The following NEK10 variants were observed in gnomAD, a reference collection of about 807,000 sequenced individuals.
NEK10 encodes NIMA related kinase 10.
Under a neutral mutation model 159.8 loss-of-function variants are expected in NEK10, and 122 were observed. The observed-to-expected ratio is 0.76, with a 90% CI of 0.66 to 0.89. The LOEUF is 0.89. NEK10 is among the 40% of genes least tolerant of loss of function. NEK10 has a pLI of 0.00. For missense variants in NEK10, 1,342 were observed against 1,323.1 expected (o/e 1.01, Z -0.22); for synonymous variants, 466 against 457.1 (o/e 1.02, Z -0.25).
chr3:27,305,019 G>C, intron 11 of NEK10, 48 bp from the exon 12 acceptor site: 1 of 1,127,518 alleles, frequency 8.9e-7, no homozygotes, highest in African/African-American at 1.5e-5. Flanking sequence ...ATCATGAGTT[G>C]ATTACTTTAC....
In NEK10 at chr3:27,290,675, T is replaced by C; in HGVS notation, c.1685A>G (p.Lys562Arg). ...LHNPAFGKDK[K>R]DRDSSVRNIV... ...ATTCCTTACGCTGCTGTCTCGATCT[T>C]TCTTATCCTTTCCAAATGCTGGGTT... Residue 562 changes from lysine to arginine, a missense_variant, in exon 19 of 36, where the codon AAA becomes AGA. Coordinates refer to ENST00000691995, the MANE Select transcript of NEK10 (RefSeq NM_001394966.1). 6.2e-7 allele frequency: 1 copy of C among 1,608,572 alleles called. No homozygotes were observed. Among genetic ancestry groups the C allele is most frequent in the Non-Finnish European group, 8.5e-7 (1 of 1,175,520 alleles).
At chr3:27,160,634 G>T (rs1945929145) in intron 30 of NEK10, among the ~76,000 whole-genome samples, 1 of 152,258 alleles carries the variant, frequency 6.6e-6, no homozygotes, top group African/African-American at 2.4e-5. Flanking sequence ...GGCCAGGAGT[G>T]GTGGCTCACA....
chr3:27,189,413 T>G (rs796214770), intron 26 of NEK10, among the ~76,000 whole-genome samples: 50 of 152,230 alleles, frequency 3.3e-4, no homozygotes, highest in African/African-American at 1.2e-3. Context: ...GTGGATCCCC[T>G]TATTGATATT....
intron 31 of NEK10, among the ~76,000 whole-genome samples, chr3:27,135,135 T>C (rs1475926320): frequency 3.9e-5 from 6 of 152,162 alleles, no homozygotes; most frequent in African/African-American, 1.4e-4. Flanking sequence ...AGAAACATTT[T>C]CAGCCAGGCA....
At chr3:27,117,072 T>C (rs1327106538) in intron 33 of NEK10, among the ~76,000 whole-genome samples, 2 of 152,068 alleles carry the variant, frequency 1.3e-5, no homozygotes, top group Non-Finnish European at 2.9e-5. Context: ...ATGAGGACAT[T>C]TGTTGTTTGG....
At chr3:27,262,891 G>T (rs11718886) in intron 22 of NEK10, among the ~76,000 whole-genome samples, 39,098 of 152,134 alleles carry the variant, frequency 0.26, 5,191 homozygotes, top group Middle Eastern at 0.38. Flanking sequence ...GCATTCCTTT[G>T]GAGGAGGAGA....
chr3:27,153,837 C>A (rs906662036), intron 30 of NEK10, among the ~76,000 whole-genome samples: 10 of 152,088 alleles, frequency 6.6e-5, no homozygotes, highest in African/African-American at 2.4e-4. Context: ...TAGCCCTAAA[C>A]AACTACATCG....
At chr3:27,304,066 ACTT>A (rs2044042748) in intron 12 of NEK10, among the ~76,000 whole-genome samples, 2 of 152,220 alleles carry the variant, frequency 1.3e-5, no homozygotes, top group Non-Finnish European at 2.9e-5. Context: ...TTTGCAACGT[ACTT>A]CTAGAGAATT....
rs1939481070 is a variant in NEK10 at position 27,111,176 on chromosome 3, T to C, written c.*96A>G. ...GCATCTTGGTCTTTTCCACACCCTC[T>C]AGCAGCACCCAATCCTTGGGCATCT... On this transcript the variant is annotated 3_prime_UTR_variant, in exon 36 of 36. Coordinates refer to ENST00000691995, the MANE Select transcript of NEK10 (RefSeq NM_001394966.1). 1 of 1,209,586 alleles carries C rather than the reference T, an allele frequency of 8.3e-7. No individual in the cohort carries two copies. The allele number at this position is 1,209,586 out of a possible 1,614,324, so 74.9% of individuals were successfully genotyped here. A position where few individuals can be genotyped will look rare whatever the true frequency, so the allele number is the denominator to read the frequency against.
At chr3:27,215,568 G>T in intron 23 of NEK10, 1 of 467,506 alleles carries the variant, frequency 2.1e-6, no homozygotes, top group Non-Finnish European at 3.8e-6. Flanking sequence ...TTGGATGTTG[G>T]CAGTTTAAAT....
In NEK10 at chr3:27,243,831, GT is replaced by G. The variant is rs1157434388; in HGVS notation, c.2090+12464del. On this transcript the variant is annotated intron_variant, in intron 23 of 35. Transcript: ENST00000691995. ...CTTCTACACTTGACTGACACCATGGGTGTGTGTGTGTGTGTGTGTGTGTGTG... is the reference window on the plus strand; with the variant it reads ...CTTCTACACTTGACTGACACCATGGGGTGTGTGTGTGTGTGTGTGTGTGTG... Among the ~76,000 whole-genome samples, 250 of 18,270 alleles carry G rather than the reference GT, an allele frequency of 0.014. No homozygotes were observed. In the African/African-American group the frequency reaches 0.22, roughly 16 times the overall value. The allele number at this position is 18,270 out of a possible 152,430, so 12.0% of individuals were successfully genotyped here. A position where few individuals can be genotyped will look rare whatever the true frequency, so the allele number is the denominator to read the frequency against.
At chr3:27,272,588 AC>A (rs1401499406) in intron 22 of NEK10, among the ~76,000 whole-genome samples, 1 of 152,006 alleles carries the variant, frequency 6.6e-6, no homozygotes, top group African/African-American at 2.4e-5. Context: ...TCAGGCCCCC[AC>A]TTATGTACCA....
chr3:27,358,420 T>G (rs1376361338), intron 1 of NEK10, among the ~76,000 whole-genome samples: 2 of 152,208 alleles, frequency 1.3e-5, no homozygotes, highest in African/African-American at 2.4e-5. Context: ...TGATTCATTG[T>G]TGAATTTTTA....
chr3:27,113,725 T>C (rs1939964117), intron 35 of NEK10, among the ~76,000 whole-genome samples: 2 of 152,146 alleles, frequency 1.3e-5, no homozygotes, highest in Non-Finnish European at 2.9e-5. Context: ...ACTAGATCGG[T>C]TTAAAACCTA....
At chr3:27,278,910 C>T in intron 22 of NEK10, 1 of 984,820 alleles carries the variant, frequency 1.0e-6, no homozygotes, top group Non-Finnish European at 1.2e-6. Flanking sequence ...ACCCCATGTA[C>T]CACTGAATCG....
Position 27,344,307 on chromosome 3 carries a change from G to T in NEK10, c.327C>A (p.Ile109=), listed in dbSNP as rs1444698699. Residue 109 remains isoleucine, a synonymous_variant, in exon 5 of 36, where the codon ATC becomes ATA. Transcript: ENST00000691995. ...GTCTATTTTTCACCAAGGCGGTAAA[G>T]ATCTCCTGAAATAGTTTACGCTGAG... ...KHPQRKLFQE[I]FTALVKNRLI... is the part of the protein sequence containing the mutation. 1.2e-5 allele frequency: 19 copies of T among 1,598,036 alleles called. No individual in the cohort carries two copies. Among genetic ancestry groups the T allele is most frequent in the Non-Finnish European group, 1.5e-5 (18 of 1,168,988 alleles).
rs117020768 is a variant in NEK10 at position 27,248,744 on chromosome 3, T to A, written c.2090+7552A>T. Reference sequence around the variant, plus strand: ...GTTTGATATTATTTCAACTTTTTTTTAAATGTTTTAAGACTTGTTTTGTGA... The same window carrying A: ...GTTTGATATTATTTCAACTTTTTTTAAAATGTTTTAAGACTTGTTTTGTGA... On this transcript the variant is annotated intron_variant, in intron 23 of 35. Transcript: ENST00000691995. Among the ~76,000 whole-genome samples, 259 of 152,328 alleles carry A rather than the reference T, an allele frequency of 1.7e-3. 3 individuals are homozygous for A. Among genetic ancestry groups the A allele is most frequent in the East Asian group, 0.011 (56 of 5,180 alleles).
chr3:27,161,744 A>G (rs115631382), intron 30 of NEK10, among the ~76,000 whole-genome samples: 221 of 152,318 alleles, frequency 1.5e-3, no homozygotes, highest in Admixed American at 2.7e-3. Flanking sequence ...TTCAATTATT[A>G]GGGAAACAAT....
chr3:27,300,669 C>G (rs2043741460), intron 13 of NEK10, among the ~76,000 whole-genome samples: 1 of 152,150 alleles, frequency 6.6e-6, no homozygotes, highest in Non-Finnish European at 1.5e-5. Context: ...AATTCCACAT[C>G]TAAGTAACTG....
Sources: gnomAD v4.1 joint callset for allele counts (sites outside exome capture counted in the v4.1 genomes callset) on GRCh38, gnomAD v4.1.1 for gene constraint, MANE v1.5 for transcripts, NCBI Gene and HGNC (gene_info 2026-07-23, HGNC 2026-07-21) for gene names.